Variants in CRADD observed in about 807,000 individuals in gnomAD.
CRADD encodes the protein death domain-containing protein CRADD.
A neutral mutation model predicts 15.5 loss-of-function variants in CRADD; 9 were observed. The observed-to-expected ratio is 0.58, with a 90% CI of 0.35 to 1.01. The LOEUF (loss-of-function observed/expected upper bound fraction) is 1.01, where lower values mean the gene tolerates loss of function less well. Among genes scored for constraint, CRADD ranks in the 50% least tolerant of loss-of-function variants. CRADD has a pLI of 0.02. For missense variants in CRADD, 227 were observed against 250.3 expected, an observed-to-expected ratio of 0.91 and a Z score of 0.63; for synonymous variants, 118 against 107.6, an observed-to-expected ratio of 1.10 and a Z score of -0.60.
At chr12:93,692,148 G>A (rs1043168282) in intron 2 of CRADD, among the ~76,000 whole-genome samples, 3 of 151,990 alleles carry the variant, frequency 2.0e-5, no homozygotes, top group African/African-American at 7.3e-5. Flanking sequence ...GAAAGAATCT[G>A]TAAACTTGAA....
intron 2 of CRADD, among the ~76,000 whole-genome samples, chr12:93,722,644 T>C (rs968626813): frequency 6.6e-6 from 1 of 152,212 alleles, no homozygotes; most frequent in Non-Finnish European, 1.5e-5. Flanking sequence ...CGTTCTTCAT[T>C]TCTGTTACAG....
At chr12:93,727,284 A>G (rs1160308382) in intron 2 of CRADD, among the ~76,000 whole-genome samples, 2 of 152,130 alleles carry the variant, frequency 1.3e-5, no homozygotes, top group African/African-American at 4.8e-5. Context: ...TTCTTCCTCC[A>G]TGCCTGGCTT....
chr12:93,892,844 T>C (rs529047301), intron 2 of CRADD, among the ~76,000 whole-genome samples: 1 of 152,320 alleles, frequency 6.6e-6, no homozygotes, highest in African/African-American at 2.4e-5. Context: ...AACAGCTTGA[T>C]CAAGGTTTTT....
At chr12:93,680,276 T>TA (rs34477767) in intron 2 of CRADD, among the ~76,000 whole-genome samples, 13,760 of 152,220 alleles carry the variant, frequency 0.09, 1,316 homozygotes, top group East Asian at 0.23. Flanking sequence ...GGGTTTCTGA[T>TA]AAGAGTGATA....
At chr12:93,796,994 G>C (rs1187633505) in intron 2 of CRADD, among the ~76,000 whole-genome samples, 1 of 152,154 alleles carries the variant, frequency 6.6e-6, no homozygotes, top group African/African-American at 2.4e-5. Flanking sequence ...CCTCCACTGG[G>C]ACCAACCCCT....
intron 2 of CRADD, among the ~76,000 whole-genome samples, chr12:93,745,637 A>G (rs1306326023): frequency 6.6e-6 from 1 of 152,240 alleles, no homozygotes; most frequent in African/African-American, 2.4e-5. Context: ...TCTTAGCCAT[A>G]TATCTCAGGT....
At chr12:93,686,196 G>A (rs1181637588) in intron 2 of CRADD, among the ~76,000 whole-genome samples, 1 of 150,560 alleles carries the variant, frequency 6.6e-6, no homozygotes, top group Non-Finnish European at 1.5e-5. Flanking sequence ...AGCTAGTCAG[G>A]AGGCTGAGGC....
intron 2 of CRADD, among the ~76,000 whole-genome samples, chr12:93,763,693 CTT>C (rs757844833): frequency 6.6e-6 from 1 of 151,966 alleles, no homozygotes; most frequent in Admixed American, 6.6e-5. Flanking sequence ...AAGACATTGT[CTT>C]CTTGCTTTTT....
intron 2 of CRADD, among the ~76,000 whole-genome samples, chr12:93,818,052 C>G (rs554265079): frequency 1.9e-3 from 282 of 152,318 alleles, no homozygotes; most frequent in Non-Finnish European, 3.5e-3. Flanking sequence ...CAGAGCAGAT[C>G]AGGCTCGGAA....
intron 2 of CRADD, among the ~76,000 whole-genome samples, chr12:93,808,979 T>A (rs10777545): frequency 0.44 from 66,980 of 151,954 alleles, 15,996 homozygotes; most frequent in African/African-American, 0.63. Context: ...CAATGGCGCC[T>A]TCTTGGCTCA....
At chr12:93,858,778 G>A (rs1958295392) in intron 2 of CRADD, among the ~76,000 whole-genome samples, 1 of 152,172 alleles carries the variant, frequency 6.6e-6, no homozygotes, top group African/African-American at 2.4e-5. Context: ...GTAACACTTG[G>A]CCATTAAGAA....
In CRADD at chr12:93,817,167, C is replaced by T. The variant is rs573384231; in HGVS notation, c.299-32803C>T. 9.2e-5 allele frequency among the ~76,000 whole-genome samples: 14 copies of T among 152,190 alleles called. No homozygotes were observed. In the East Asian group the frequency reaches 2.1e-3, roughly 23 times the overall value. ...TTTAAGTCTCTCCTAGTCGCTGTCA[C>T]TGTCTCCTAATTTGGAAGGAGGTCC... On this transcript the variant is annotated intron_variant, in intron 2 of 2. Transcript: ENST00000332896.
intron 2 of CRADD, among the ~76,000 whole-genome samples, chr12:93,764,835 G>A (rs1203574955): frequency 4.0e-5 from 6 of 151,244 alleles, no homozygotes; most frequent in African/African-American, 1.5e-4. Context: ...TTTTCTGTAA[G>A]GAGGAATTAT....
At chr12:93,805,594 A>G (rs1208392017) in intron 2 of CRADD, among the ~76,000 whole-genome samples, 3 of 151,884 alleles carry the variant, frequency 2.0e-5, no homozygotes, top group Non-Finnish European at 4.4e-5. Flanking sequence ...ATAAATAAAT[A>G]AATAAAAATA....
intron 2 of CRADD, among the ~76,000 whole-genome samples, chr12:93,823,800 TAGTC>T (rs1957794706): frequency 2.0e-5 from 3 of 152,206 alleles, no homozygotes; most frequent in South Asian, 2.1e-4. Flanking sequence ...GAGTGAGTAA[TAGTC>T]AGAAGAGAAA....
intron 2 of CRADD, among the ~76,000 whole-genome samples, chr12:93,811,419 A>C (rs774226898): frequency 6.6e-6 from 1 of 152,186 alleles, no homozygotes; most frequent in Admixed American, 6.5e-5. Context: ...ACGTTAATAC[A>C]TTCAGCAGAG....
intron 2 of CRADD, among the ~76,000 whole-genome samples, chr12:93,861,994 T>C (rs1339458442): frequency 2.0e-5 from 3 of 152,102 alleles, no homozygotes; most frequent in Non-Finnish European, 4.4e-5. Context: ...GTAAGTTTCA[T>C]GAGATCTGAT....
chr12:93,869,063 G>C (rs1258282166), intron 2 of CRADD, among the ~76,000 whole-genome samples: 1 of 152,182 alleles, frequency 6.6e-6, no homozygotes, highest in Non-Finnish European at 1.5e-5. Context: ...GTACTGGAGA[G>C]ATACAGTTTG....
intron 2 of CRADD, among the ~76,000 whole-genome samples, chr12:93,760,890 A>G (rs1368849113): frequency 1.3e-5 from 2 of 151,974 alleles, no homozygotes; most frequent in Non-Finnish European, 2.9e-5. Flanking sequence ...GCCCCAGAAG[A>G]AGTGAGTGAC....
Sources: gnomAD v4.1 joint callset for allele counts (sites outside exome capture counted in the v4.1 genomes callset) on GRCh38, gnomAD v4.1.1 for gene constraint, MANE v1.5 for transcripts, NCBI Gene and HGNC (gene_info 2026-07-23, HGNC 2026-07-21) for gene names.